KCP: variants seen among roughly 807,000 people sequenced by gnomAD.
KCP encodes the protein kielin/chordin-like protein.
KCP carries 194 observed loss-of-function variants against 212.7 expected under a neutral mutation model. The ratio of observed to expected loss-of-function variants is 0.91; its 90% CI spans 0.81 to 1.03. The LOEUF is 1.03. Among genes scored for constraint, KCP ranks in the 50% least tolerant of loss-of-function variants. KCP has a pLI of 0.00. For synonymous variants in KCP, 833 were observed against 865.3 expected (o/e 0.96, Z 0.65); for missense variants, 2,080 against 2,162.5 (o/e 0.96, Z 0.76).
chr7:128,890,498 C>T lies in KCP; in HGVS notation c.2180G>A (p.Gly727Glu), dbSNP rs77218547. ...GCGCTCCCCGCTGGCAAACTCCTTC[C>T]CCTGGTACAGGCAGCCTGGGGAGAA... ...CPSCDGCLYQGKEFASGERFP... is the reference protein window; with the variant it reads ...CPSCDGCLYQEKEFASGERFP... The change falls in exon 21 of 40, where the codon GGG (glycine) becomes GAG (glutamate). Residue 727 changes from glycine (G) to glutamate (E), a missense_variant. Physicochemically the swap from Gly to Glu is moderately conservative, Grantham distance 98. Transcript: ENST00000610776. The T allele has an allele frequency of 5.2e-3, 8,060 of 1,549,246 alleles. 142 individuals are homozygous for T. The African/African-American group carries it at 0.054, about 10-fold the overall frequency.
In KCP at chr7:128,884,075, A is replaced by G. The variant is rs1174140256; in HGVS notation, c.3171T>C (p.Cys1057=). 1 of 1,543,458 alleles carries G rather than the reference A, an allele frequency of 6.5e-7. No individual in the cohort carries two copies. Among genetic ancestry groups the G allele is most frequent in the Non-Finnish European group, 8.7e-7 (1 of 1,144,966 alleles). ...TGGGGGGGCAGCCCACCAGGCTGGG[A>G]CACTGCCGCCGGTGACAGCGAAGGC... ...PPSLRCHRRQ[C]PSLVGCPPSQ... Residue 1057 remains cysteine, a synonymous_variant, in exon 29 of 40, where the codon TGT becomes TGC. Coordinates refer to ENST00000610776, the MANE Select transcript of KCP (RefSeq NM_001366122.1).
chr7:128,890,345 T>C lies in KCP; in HGVS notation c.2333A>G (p.Asp778Gly), dbSNP rs1794013956. Residue 778 changes from aspartate to glycine, a missense_variant and splice_region_variant, in exon 21 of 40, where the codon GAT becomes GGT. Transcript: ENST00000610776. ...GCTCCCTATCCCATGACCCTCACCA[T>C]CACAGTCAGGGCAGCAGTCGCCCCT... Reference protein sequence around the residue: ...PARGDCCPDCDGCEYLGESYL... With the variant: ...PARGDCCPDCGGCEYLGESYL... 6.4e-7 allele frequency: 1 copy of C among 1,551,504 alleles called. No individual in the cohort carries two copies. The highest frequency in any genetic ancestry group is 8.7e-7 in the Non-Finnish European group (1 of 1,146,988).
At position 128,884,767 on chromosome 7, in the gene KCP, G is replaced by A. The variant is rs1430341221; in HGVS notation, c.3123+14C>T. On this transcript the variant is annotated intron_variant, in intron 28 of 39. Coordinates refer to ENST00000610776, the MANE Select transcript of KCP (RefSeq NM_001366122.1). Reference sequence around the variant, plus strand: ...GACGAGGTGCCCCAGCCCCACCACTGTGCCCTCACCTACCTCGCAGATGCA... The same window carrying A: ...GACGAGGTGCCCCAGCCCCACCACTATGCCCTCACCTACCTCGCAGATGCA... 1 of 1,550,650 alleles carries A rather than the reference G, an allele frequency of 6.4e-7. No individual in the cohort carries two copies. The highest frequency in any genetic ancestry group is 1.4e-5 in the African/African-American group (1 of 73,134).
At chr7:128,908,782 G>A (rs1221777564) in intron 1 of KCP, among the ~76,000 whole-genome samples, 3 of 152,246 alleles carry the variant, frequency 2.0e-5, no homozygotes, top group Admixed American at 6.5e-5. Context: ...TGCTTTCAGG[G>A]GTCTGGGGTC....
At chr7:128,905,256 C>T (rs1795067852) in intron 5 of KCP, among the ~76,000 whole-genome samples, 2 of 152,060 alleles carry the variant, frequency 1.3e-5, no homozygotes, top group African/African-American at 4.8e-5. Context: ...TAAGAATGTC[C>T]TAAATATTGC....
Position 128,908,463 on chromosome 7 carries a change from C to G in KCP, c.182G>C (p.Gly61Ala). The change falls in exon 2 of 40, where the codon GGG (glycine) becomes GCG (alanine). Residue 61 changes from glycine to alanine, a missense_variant. By Grantham distance (60) the Gly-to-Ala change is moderately conservative. Transcript: ENST00000610776. Reference protein sequence around the residue: ...EQWHPLREWLGRLEAAVMELR... With the variant: ...EQWHPLREWLARLEAAVMELR... ...CTCCATCACTGCAGCCTCCAGTCGCCCCAGCCACTCTCGCAGGGGGTGCCA... is the reference window on the plus strand; with the variant it reads ...CTCCATCACTGCAGCCTCCAGTCGCGCCAGCCACTCTCGCAGGGGGTGCCA... The G allele has an allele frequency of 6.4e-7, 1 of 1,551,926 alleles. No individual in the cohort carries two copies. The highest frequency in any genetic ancestry group is 8.7e-7 in the Non-Finnish European group (1 of 1,147,046).
Position 128,892,566 on chromosome 7 carries a change from C to G in KCP, c.1569G>C (p.Thr523=). 6.5e-7 allele frequency: 1 copy of G among 1,550,082 alleles called. No homozygotes were observed. Among genetic ancestry groups the G allele is most frequent in the Non-Finnish European group, 8.7e-7 (1 of 1,146,026 alleles). Residue 523 remains threonine, a synonymous_variant, in exon 16 of 40, where the codon ACG becomes ACC. Coordinates refer to ENST00000610776, the MANE Select transcript of KCP (RefSeq NM_001366122.1). ...VTCSLVDCPP[T]TCARPQSGPG... ...GTCCACTCTGGGGCCTGGCACAGGT[C>G]GTGGGAGGGCAGTCAACCAAGGAGC...
chr7:128,903,941 G>A, intron 6 of KCP, 115 bp downstream of exon 6: 8 of 1,349,636 alleles, frequency 5.9e-6, no homozygotes, highest in Non-Finnish European at 8.3e-6. Flanking sequence ...GAACCTAGCT[G>A]GCTCCACCTC....
intron 21 of KCP, 72 bp from the exon 22 acceptor site, chr7:128,889,111 G>T: frequency 2.4e-6 from 3 of 1,253,304 alleles, no homozygotes; most frequent in Non-Finnish European, 2.1e-6. Flanking sequence ...CATAGGCTCT[G>T]AGCTTGGGCC....
chr7:128,882,991 G>T (rs1014716670), intron 29 of KCP, among the ~76,000 whole-genome samples: 2 of 151,730 alleles, frequency 1.3e-5, no homozygotes, highest in African/African-American at 4.8e-5. Flanking sequence ...TGAATCCCTC[G>T]AATCCAGAGG....
chr7:128,888,948 G>A lies in KCP; in HGVS notation c.2427C>T (p.Phe809=), dbSNP rs904571595. The part of the protein sequence containing the change: ...PCNLCTCLGG[F]VTCGRRPCEP... ...CACAGGGCCGGCGGCCGCAGGTCAC[G>A]AAGCCTCCAAGACAGGTACACAGGT... The change falls in exon 22 of 40, where the codon TTC becomes TTT. Residue 809 remains phenylalanine, a synonymous_variant. Coordinates refer to ENST00000610776, the MANE Select transcript of KCP (RefSeq NM_001366122.1). The A allele has an allele frequency of 1.3e-5, 20 of 1,550,824 alleles. No individual in the cohort carries two copies. The highest frequency in any genetic ancestry group is 4.1e-5 in the African/African-American group (3 of 72,968).
At position 128,906,343 on chromosome 7, in the gene KCP, G is replaced by A. The variant is rs1227737196; in HGVS notation, c.507C>T (p.Asn169=). 1.3e-6 allele frequency: 2 copies of A among 1,550,008 alleles called. No homozygotes were observed. The highest frequency in any genetic ancestry group is 1.7e-6 in the Non-Finnish European group (2 of 1,146,762). Residue 169 remains asparagine, a synonymous_variant, in exon 5 of 40, where the codon AAC becomes AAT. Transcript: ENST00000610776. Reference sequence around the variant, plus strand: ...AGGGTCCTCTTGGGCATGGCTTCTGGTTGCAAGTGATGGTACCTTCCTGTG... The same window carrying A: ...AGGGTCCTCTTGGGCATGGCTTCTGATTGCAAGTGATGGTACCTTCCTGTG... ...CRCLEGTITC[N]QKPCPRGPCP... is the part of the protein sequence containing the mutation.
At chr7:128,884,245 G>T in intron 28 of KCP, 123 bp from the exon 29 acceptor site, 3 of 1,253,028 alleles carry the variant, frequency 2.4e-6, no homozygotes, top group Non-Finnish European at 3.2e-6. Context: ...CTTGGGCCCT[G>T]AACTCAAGGC....
intron 1 of KCP, among the ~76,000 whole-genome samples, chr7:128,910,201 T>C (rs1181207809): frequency 6.6e-6 from 1 of 152,170 alleles, no homozygotes; most frequent in Non-Finnish European, 1.5e-5. Context: ...TAGCCTCCCC[T>C]GGCCCCGTGC....
At chr7:128,894,912 C>A (rs963103568) in intron 8 of KCP, among the ~76,000 whole-genome samples, 3 of 152,078 alleles carry the variant, frequency 2.0e-5, no homozygotes, top group African/African-American at 7.2e-5. Flanking sequence ...CAGGCAATAT[C>A]CTTCTAAAAA....
intron 8 of KCP, among the ~76,000 whole-genome samples, chr7:128,902,364 A>G (rs1794897282): frequency 6.6e-6 from 1 of 152,224 alleles, no homozygotes; most frequent in South Asian, 2.1e-4. Flanking sequence ...CATGTATTTT[A>G]CACTTATGGC....
intron 6 of KCP, 87 bp downstream of exon 6, chr7:128,903,969 G>A: frequency 7.2e-7 from 1 of 1,387,188 alleles, no homozygotes; most frequent in South Asian, 1.2e-5. Flanking sequence ...GCATGTGAGG[G>A]GGCTGGAGGA....
chr7:128,882,178 C>T (rs1793373807), intron 29 of KCP, among the ~76,000 whole-genome samples, 162 bp from the exon 30 acceptor site: 1 of 152,218 alleles, frequency 6.6e-6, no homozygotes, highest in Non-Finnish European at 1.5e-5. Context: ...TCTTTCTCTT[C>T]AATTCAGTCA....
chr7:128,906,426 A>G, intron 4 of KCP, 63 bp from the exon 5 acceptor site: 1 of 1,191,226 alleles, frequency 8.4e-7, no homozygotes, highest in East Asian at 2.5e-5. Context: ...GGCCTCTGGA[A>G]GTAAAACCTC....
Sources: gnomAD v4.1 joint callset for allele counts (sites outside exome capture counted in the v4.1 genomes callset) on GRCh38, gnomAD v4.1.1 for gene constraint, MANE v1.5 for transcripts, NCBI Gene and HGNC (gene_info 2026-07-23, HGNC 2026-07-21) for gene names.